The following MYO1E variants were observed in gnomAD, a reference collection of about 807,000 sequenced individuals.
MYO1E encodes the protein myosin IE, also known as unconventional myosin-Ie.
A neutral mutation model predicts 151.1 loss-of-function variants in MYO1E; 68 were observed. The observed-to-expected ratio is 0.45, with a 90% CI of 0.37 to 0.55. The LOEUF (loss-of-function observed/expected upper bound fraction) is 0.55. Among genes scored for constraint, MYO1E ranks in the 20% least tolerant of loss-of-function variants. The pLI, the probability that MYO1E is intolerant of heterozygous loss-of-function variation, is 0.00. For missense variants in MYO1E, 1,363 were observed against 1,389.3 expected (o/e 0.98, Z 0.30); for synonymous variants, 601 against 501.7 (o/e 1.20, Z -2.64).
chr15:59,168,274 C>G (rs887927567), intron 22 of MYO1E, among the ~76,000 whole-genome samples: 24 of 152,062 alleles, frequency 1.6e-4, no homozygotes, highest in African/African-American at 5.8e-4. Context: ...GGGCCAGGTG[C>G]AGTGGCTCAT....
intron 1 of MYO1E, among the ~76,000 whole-genome samples, chr15:59,324,316 A>G (rs1318776726): frequency 6.6e-6 from 1 of 152,174 alleles, no homozygotes; most frequent in Non-Finnish European, 1.5e-5. Context: ...AAAAAAAGGG[A>G]GAATATCCAA....
chr15:59,335,883 A>C (rs1475084067), intron 1 of MYO1E, among the ~76,000 whole-genome samples: 2 of 152,072 alleles, frequency 1.3e-5, no homozygotes, highest in East Asian at 1.9e-4. Context: ...CACGGACTAT[A>C]AGCGGTGCTG....
intron 1 of MYO1E, among the ~76,000 whole-genome samples, chr15:59,321,369 G>A (rs142183741): frequency 4.1e-4 from 62 of 152,288 alleles, no homozygotes; most frequent in African/African-American, 1.4e-3. Flanking sequence ...CTACCAAAAC[G>A]ACACATGTAC....
chr15:59,232,279 C>T (rs1470832611), intron 5 of MYO1E, among the ~76,000 whole-genome samples: 7 of 152,180 alleles, frequency 4.6e-5, no homozygotes, highest in Non-Finnish European at 7.3e-5. Context: ...GAAATATAGC[C>T]TGGTGTTTCT....
At chr15:59,253,167 T>C (rs1287447667) in intron 4 of MYO1E, among the ~76,000 whole-genome samples, 4 of 152,238 alleles carry the variant, frequency 2.6e-5, no homozygotes, top group African/African-American at 9.6e-5. Context: ...CACATCACCT[T>C]GGGAGACTGC....
chr15:59,369,267 C>G (rs1409481653), intron 1 of MYO1E, among the ~76,000 whole-genome samples: 2 of 152,154 alleles, frequency 1.3e-5, no homozygotes, highest in Non-Finnish European at 2.9e-5. Context: ...TCTATAATTT[C>G]CTCACAAGTA....
chr15:59,220,405 C>T (rs1337245351), intron 9 of MYO1E, among the ~76,000 whole-genome samples: 5 of 152,164 alleles, frequency 3.3e-5, no homozygotes, highest in African/African-American at 9.7e-5. Context: ...GCCGAGATAG[C>T]GCCACTGCGC....
intron 16 of MYO1E, among the ~76,000 whole-genome samples, chr15:59,200,564 C>T (rs1328344708): frequency 6.6e-6 from 1 of 151,998 alleles, no homozygotes; most frequent in Non-Finnish European, 1.5e-5. Flanking sequence ...TGAGGTGGAT[C>T]GCTTGAGCCC....
intron 1 of MYO1E, among the ~76,000 whole-genome samples, chr15:59,282,402 T>G (rs2080357982): frequency 6.6e-6 from 1 of 152,186 alleles, no homozygotes; most frequent in African/African-American, 2.4e-5. Context: ...GTCTTGAGGC[T>G]GAGCAGGAAA....
chr15:59,141,534 C>A (rs1190784259), intron 26 of MYO1E, among the ~76,000 whole-genome samples: 1 of 152,198 alleles, frequency 6.6e-6, no homozygotes, highest in African/African-American at 2.4e-5. Flanking sequence ...CATGGTGGCT[C>A]ACGCCTATAA....
chr15:59,362,010 T>C (rs1156983406), intron 1 of MYO1E, among the ~76,000 whole-genome samples: 2 of 151,974 alleles, frequency 1.3e-5, no homozygotes, highest in African/African-American at 4.8e-5. Flanking sequence ...CTAATTTTTG[T>C]ATTTTTAATA....
rs1241031422 is a variant in MYO1E, at chr15:59,372,424, G to C, written c.3+74C>G. The C allele has an allele frequency of 4.6e-6, 7 of 1,526,396 alleles. No individual in the cohort carries two copies. In the African/African-American group the frequency reaches 6.9e-5, roughly 15 times the overall value. The allele number at this position is 1,526,396 out of a possible 1,614,324, so 94.6% of individuals were successfully genotyped here. A position where few individuals can be genotyped will look rare whatever the true frequency, so the allele number is the denominator to read the frequency against. On this transcript the variant is annotated intron_variant, in intron 1 of 27. Transcript: ENST00000288235. Reference sequence around the variant, plus strand: ...CCCTGGCCCCGGCAGCGCGCCCAAGGTGGGTGCACCACGCCGGGGTTTCCT... The same window carrying C: ...CCCTGGCCCCGGCAGCGCGCCCAAGCTGGGTGCACCACGCCGGGGTTTCCT...
chr15:59,351,333 T>C (rs1440662498), intron 1 of MYO1E, among the ~76,000 whole-genome samples: 2 of 152,200 alleles, frequency 1.3e-5, no homozygotes, highest in Admixed American at 6.5e-5. Context: ...CATTCGTTCA[T>C]TCAATCAATA....
At chr15:59,218,433 G>C (rs530573520) in intron 9 of MYO1E, 1 of 405,134 alleles carries the variant, frequency 2.5e-6, no homozygotes, top group Non-Finnish European at 4.7e-6. Context: ...CTTCCAGCAC[G>C]ACAGCCAGGA....
chr15:59,254,060 A>T (rs2080180641), intron 4 of MYO1E, among the ~76,000 whole-genome samples: 2 of 152,158 alleles, frequency 1.3e-5, no homozygotes, highest in South Asian at 4.1e-4. Flanking sequence ...ATTTATAGGA[A>T]AATCATGGAA....
chr15:59,236,212 G>T (rs1329574669), intron 5 of MYO1E, among the ~76,000 whole-genome samples: 1 of 151,750 alleles, frequency 6.6e-6, no homozygotes, highest in East Asian at 1.9e-4. Flanking sequence ...GCATGGTGGG[G>T]CACACCTGTA....
In MYO1E at chr15:59,261,552, T is replaced by C. The variant is rs371810023; in HGVS notation, c.148-43A>G. 128 of 1,288,826 alleles carry C rather than the reference T, an allele frequency of 9.9e-5. 1 individual carries two copies. The highest frequency in any genetic ancestry group is 7.5e-4 in the Middle Eastern group (4 of 5,300). The allele number at this position is 1,288,826 out of a possible 1,614,324, so 79.8% of individuals were successfully genotyped here. A position where few individuals can be genotyped will look rare whatever the true frequency, so the allele number is the denominator to read the frequency against. ...AAGGTCCATCATTAATATTCATAGC[T>C]ACACATTTTTCAAATTAAGTAACCA... On this transcript the variant is annotated intron_variant, in intron 2 of 27. Transcript: ENST00000288235.
At chr15:59,210,668 G>C in intron 12 of MYO1E, 68 bp from the exon 13 acceptor site, 1 of 1,094,202 alleles carries the variant, frequency 9.1e-7, no homozygotes, top group South Asian at 1.3e-5. Context: ...GACAGACCCT[G>C]AATGGACAAA....
Position 59,151,047 on chromosome 15 carries a change from A to ACG in MYO1E, c.3080+2542_3080+2543insCG, listed in dbSNP as rs1320000031. On this transcript the variant is annotated intron_variant, in intron 26 of 27. Coordinates refer to ENST00000288235, the MANE Select transcript of MYO1E (RefSeq NM_004998.4). The stretch of plus-strand genomic sequence containing the variant: ...CACACACACACACACACACACACAC[A>ACG]CACGCGCGCGCGCGCACGTGCACTT... Among the ~76,000 whole-genome samples the ACG allele has an allele frequency of 5.6e-5, 5 of 90,080 alleles. No homozygotes were observed. In the South Asian group the frequency reaches 1.3e-3, roughly 24 times the overall value. The allele number at this position is 90,080 out of a possible 152,430, so 59.1% of individuals were successfully genotyped here. A position where few individuals can be genotyped will look rare whatever the true frequency, so the allele number is the denominator to read the frequency against.
Sources: allele counts gnomAD v4.1 joint callset (sites outside exome capture counted in the v4.1 genomes callset), GRCh38; gene constraint gnomAD v4.1.1; transcripts MANE v1.5; gene names NCBI Gene and HGNC (gene_info 2026-07-23, HGNC 2026-07-21).